The following TSHZ2 variants were observed in gnomAD, a reference collection of about 807,000 sequenced individuals.
TSHZ2 encodes the protein teashirt zinc finger homeobox 2.
Under a neutral mutation model 74.4 loss-of-function variants are expected in TSHZ2, and 21 were observed. The observed-to-expected ratio is 0.28, with a 90% CI of 0.20 to 0.41. TSHZ2 has a LOEUF of 0.41. Among genes scored for constraint, TSHZ2 ranks in the 10% least tolerant of loss-of-function variants. The pLI is 1.00. For missense variants in TSHZ2, 1,244 were observed against 1,293.5 expected (o/e 0.96, Z 0.59); for synonymous variants, 540 against 515.3 (o/e 1.05, Z -0.65).
chr20:52,980,083 A>T (rs186296605), intron 1 of TSHZ2, among the ~76,000 whole-genome samples: 1 of 152,346 alleles, frequency 6.6e-6, no homozygotes, highest in East Asian at 1.9e-4. Context: ...GTAAGACACT[A>T]TATTACACAA....
rs150559414 is a variant in TSHZ2 at position 53,380,057 on chromosome 20, G to A, written c.*9-107087G>A. ...TATAACCTGTATCTGTTTACCCAGC[G>A]AAAGTAATTTAAGGCATTTCAGCCT... On this transcript the variant is annotated intron_variant, in intron 2 of 2. Transcript: ENST00000371497. 1.9e-3 allele frequency among the ~76,000 whole-genome samples: 290 copies of A among 152,292 alleles called. 2 individuals are homozygous for A. Among genetic ancestry groups the A allele is most frequent in the African/African-American group, 6.7e-3 (277 of 41,558 alleles).
At chr20:53,467,220 AG>A (rs1461551163) in intron 2 of TSHZ2, among the ~76,000 whole-genome samples, 1 of 152,214 alleles carries the variant, frequency 6.6e-6, no homozygotes, top group Non-Finnish European at 1.5e-5. Flanking sequence ...TTTTATAAAA[AG>A]GGAAAAATTT....
At chr20:53,314,287 C>CA (rs5841941) in intron 2 of TSHZ2, among the ~76,000 whole-genome samples, 49,380 of 131,460 alleles carry the variant, frequency 0.38, 9,002 homozygotes, top group Non-Finnish European at 0.45. Flanking sequence ...GACTCTGTCT[C>CA]AAAAAAAAAA....
intron 2 of TSHZ2, among the ~76,000 whole-genome samples, chr20:53,402,030 G>T (rs551793495): frequency 6.6e-6 from 1 of 151,942 alleles, no homozygotes; most frequent in Non-Finnish European, 1.5e-5. Context: ...TGATCTGCCC[G>T]CCTTGGCCTC....
intron 2 of TSHZ2, among the ~76,000 whole-genome samples, chr20:53,364,274 C>T (rs563333268): frequency 6.6e-6 from 1 of 152,156 alleles, no homozygotes; most frequent in Non-Finnish European, 1.5e-5. Flanking sequence ...TTCTCATTTT[C>T]CAGAGGAAAC....
chr20:53,051,469 A>G lies in TSHZ2; in HGVS notation c.40+78136A>G, dbSNP rs1026077248. The stretch of plus-strand genomic sequence containing the variant: ...CTCTGTGGCGCACGCACACACACAC[A>G]CACACACACACACACACACACACAC... On this transcript the variant is annotated intron_variant, in intron 1 of 2. Transcript: ENST00000371497. Among the ~76,000 whole-genome samples, 385 of 151,230 alleles carry G rather than the reference A, an allele frequency of 2.5e-3. 1 individual carries two copies. Among genetic ancestry groups the G allele is most frequent in the African/African-American group, 8.9e-3 (364 of 41,112 alleles).
chr20:53,069,895 A>G (rs1185538088), intron 1 of TSHZ2, among the ~76,000 whole-genome samples: 1 of 152,140 alleles, frequency 6.6e-6, no homozygotes, highest in Non-Finnish European at 1.5e-5. Flanking sequence ...AGCTTATTCT[A>G]ATTTACCCCT....
At chr20:53,320,186 T>C (rs1269533604) in intron 2 of TSHZ2, among the ~76,000 whole-genome samples, 1 of 152,244 alleles carries the variant, frequency 6.6e-6, no homozygotes, top group African/African-American at 2.4e-5. Flanking sequence ...TCCTGAGTGC[T>C]TGACCCTTGT....
chr20:53,265,712 TG>T (rs1990701820), intron 2 of TSHZ2, among the ~76,000 whole-genome samples: 1 of 152,244 alleles, frequency 6.6e-6, no homozygotes, highest in Admixed American at 6.5e-5. Context: ...TGATGGTTTT[TG>T]TTCACTTCTT....
At chr20:53,001,212 G>GTGTGTGTGTGTGTGTGTGTGTGTGTATA (rs1568713396) in intron 1 of TSHZ2, among the ~76,000 whole-genome samples, 20 of 123,432 alleles carry the variant, frequency 1.6e-4, no homozygotes, top group African/African-American at 7.1e-4. Context: ...GTGCGTGTGT[G>GTGTGTGTGTGTGTGTGTGTGTGTGTATA]TGTGTGTGTG....
chr20:53,439,388 G>A (rs778594416), intron 2 of TSHZ2, among the ~76,000 whole-genome samples: 18 of 152,252 alleles, frequency 1.2e-4, no homozygotes, highest in South Asian at 6.2e-4. Flanking sequence ...AGAATTGGCC[G>A]TGACCAAGTC....
chr20:53,468,847 AGT>A, intron 2 of TSHZ2, among the ~76,000 whole-genome samples: 1 of 150,806 alleles, frequency 6.6e-6, no homozygotes, highest in Middle Eastern at 3.4e-3. Context: ...GGGATTTTCC[AGT>A]GTGTCAATTA....
chr20:53,052,994 T>C (rs1367352129), intron 1 of TSHZ2, among the ~76,000 whole-genome samples: 1 of 152,118 alleles, frequency 6.6e-6, no homozygotes, highest in African/African-American at 2.4e-5. Flanking sequence ...AACATCTTCA[T>C]CACCCCAAAA....
chr20:53,363,778 G>T (rs1981156185), intron 2 of TSHZ2, among the ~76,000 whole-genome samples: 1 of 152,152 alleles, frequency 6.6e-6, no homozygotes, highest in Non-Finnish European at 1.5e-5. Context: ...ATACTACTGT[G>T]CTCCAGCCTG....
intron 2 of TSHZ2, among the ~76,000 whole-genome samples, chr20:53,385,635 T>C (rs902858456): frequency 4.6e-5 from 7 of 152,194 alleles, no homozygotes; most frequent in Non-Finnish European, 7.3e-5. Flanking sequence ...TTAAGGTCGC[T>C]GTTAGGGCTC....
intron 2 of TSHZ2, among the ~76,000 whole-genome samples, chr20:53,392,880 G>T (rs770719140): frequency 6.6e-6 from 1 of 152,070 alleles, no homozygotes; most frequent in Non-Finnish European, 1.5e-5. Context: ...TGTCAACCAG[G>T]CTGGAGCACA....
chr20:53,057,497 GT>G (rs918745406), intron 1 of TSHZ2, among the ~76,000 whole-genome samples: 18 of 150,652 alleles, frequency 1.2e-4, no homozygotes, highest in African/African-American at 3.2e-4. Flanking sequence ...GGTTATGTAT[GT>G]TTTTTTTTCT....
chr20:53,331,250 A>T (rs1010311281), intron 2 of TSHZ2, among the ~76,000 whole-genome samples: 6 of 152,186 alleles, frequency 3.9e-5, no homozygotes, highest in African/African-American at 1.4e-4. Flanking sequence ...ATTATAAAGC[A>T]TTGTGGTCTG....
intron 2 of TSHZ2, among the ~76,000 whole-genome samples, chr20:53,366,465 A>G (rs1981261192): frequency 6.6e-6 from 1 of 152,206 alleles, no homozygotes; most frequent in East Asian, 1.9e-4. Flanking sequence ...GCTTGATTCC[A>G]AACATGATGA....
Sources: gnomAD v4.1 joint callset for allele counts (sites outside exome capture counted in the v4.1 genomes callset) on GRCh38, gnomAD v4.1.1 for gene constraint, MANE v1.5 for transcripts, NCBI Gene and HGNC (gene_info 2026-07-23, HGNC 2026-07-21) for gene names.